PRIMA1: variants seen among roughly 807,000 people sequenced by gnomAD.
PRIMA1 encodes the protein proline-rich membrane anchor 1.
Under a neutral mutation model 17.5 loss-of-function variants are expected in PRIMA1, and 7 were observed. The ratio of observed to expected loss-of-function variants is 0.40; its 90% CI spans 0.23 to 0.75. The LOEUF (loss-of-function observed/expected upper bound fraction) is 0.75. Among genes scored for constraint, PRIMA1 ranks in the 30% least tolerant of loss-of-function variants. The probability of loss-of-function intolerance (pLI) is 0.37; values close to 1 mark genes in which losing one functional copy is unlikely to be tolerated. For synonymous variants in PRIMA1, 97 were observed against 77.9 expected (o/e 1.25, Z -1.29); for missense variants, 200 against 201.8 (o/e 0.99, Z 0.05).
intron 3 of PRIMA1, among the ~76,000 whole-genome samples, chr14:93,752,664 A>C (rs1253316006): frequency 6.6e-6 from 1 of 151,972 alleles, no homozygotes; most frequent in Non-Finnish European, 1.5e-5. Context: ...GGCTTGTCCA[A>C]GGATAGGGCA....
chr14:93,738,163 C>T (rs2076163282), intron 3 of PRIMA1, among the ~76,000 whole-genome samples: 1 of 152,180 alleles, frequency 6.6e-6, no homozygotes, highest in Admixed American at 6.5e-5. Flanking sequence ...GACACTGGTG[C>T]TCCAGGGCCC....
At chr14:93,744,497 C>T (rs934361708) in intron 3 of PRIMA1, among the ~76,000 whole-genome samples, 4 of 152,212 alleles carry the variant, frequency 2.6e-5, no homozygotes, top group African/African-American at 4.8e-5. Context: ...CTCCTCACCC[C>T]GAAGGCAACC....
intron 3 of PRIMA1, among the ~76,000 whole-genome samples, chr14:93,765,312 T>C (rs1030728266): frequency 6.6e-6 from 1 of 151,702 alleles, no homozygotes; most frequent in Admixed American, 6.6e-5. Context: ...CAGCATGCAC[T>C]TTCCATGTGT....
intron 3 of PRIMA1, among the ~76,000 whole-genome samples, chr14:93,748,564 C>T (rs569369945): frequency 1.1e-4 from 17 of 152,232 alleles, no homozygotes; most frequent in African/African-American, 3.9e-4. Context: ...ACACAGGCAG[C>T]GGCACCGGGA....
chr14:93,719,087 T>C lies in PRIMA1; in HGVS notation c.*2357A>G, dbSNP rs1441565263. 1 of 152,084 alleles carries C rather than the reference T, an allele frequency of 6.6e-6. No homozygotes were observed. The highest frequency in any genetic ancestry group is 1.5e-5 in the Non-Finnish European group (1 of 68,012). 9.4% of individuals were successfully genotyped at this position (152,084 alleles called of 1,614,324 possible). On this transcript the variant is annotated 3_prime_UTR_variant, in exon 5 of 5. Transcript: ENST00000393140. ...AGGTGGGGGGTGGATATTAAGTGAA[T>C]CTTTTAAAAAAACTAGGCTCTTCCC... is the stretch of plus-strand genomic sequence containing the variant.
chr14:93,775,516 G>T (rs1369275191), intron 3 of PRIMA1, among the ~76,000 whole-genome samples: 2 of 152,110 alleles, frequency 1.3e-5, no homozygotes, highest in Non-Finnish European at 2.9e-5. Flanking sequence ...TGTTGTTTTT[G>T]AGGCAGAGTT....
At chr14:93,748,063 T>C (rs1356402675) in intron 3 of PRIMA1, among the ~76,000 whole-genome samples, 1 of 151,160 alleles carries the variant, frequency 6.6e-6, no homozygotes, top group Non-Finnish European at 1.5e-5. Flanking sequence ...TGTATGTGAG[T>C]GTGAATGTGT....
intron 2 of PRIMA1, among the ~76,000 whole-genome samples, chr14:93,783,382 C>T (rs1221046775): frequency 1.3e-5 from 2 of 152,206 alleles, no homozygotes; most frequent in East Asian, 3.9e-4. Flanking sequence ...ACAATGCCCA[C>T]CAGTGGGGAA....
At chr14:93,787,889 A>T in intron 1 of PRIMA1, 140 bp from the exon 2 acceptor site, 1 of 875,244 alleles carries the variant, frequency 1.1e-6, no homozygotes, top group Non-Finnish European at 1.7e-6. Context: ...CTGCACTTAC[A>T]CTCCAGCTTA....
At chr14:93,725,534 G>A (rs536911198) in intron 4 of PRIMA1, among the ~76,000 whole-genome samples, 1 of 152,266 alleles carries the variant, frequency 6.6e-6, no homozygotes, top group South Asian at 2.1e-4. Flanking sequence ...CAGATGTCAA[G>A]GCTCAGTAAA....
intron 4 of PRIMA1, among the ~76,000 whole-genome samples, chr14:93,735,633 A>C (rs2076144839): frequency 6.6e-6 from 1 of 151,636 alleles, no homozygotes. Context: ...AACACGTGGG[A>C]ATTGGATTAG....
chr14:93,752,984 C>T (rs1269975381), intron 3 of PRIMA1, among the ~76,000 whole-genome samples: 1 of 152,220 alleles, frequency 6.6e-6, no homozygotes. Context: ...TCCCTGGCCT[C>T]TACCCACTAC....
At position 93,720,134 on chromosome 14, in the gene PRIMA1, A is replaced by T. The variant is rs184352606; in HGVS notation, c.*1310T>A. ...TGCATTGGGCTCCTTCTGAGCACAT[A>T]TGTAGGGGTGGTGGGGAGAGCCAGG... On this transcript the variant is annotated 3_prime_UTR_variant, in exon 5 of 5. Transcript: ENST00000393140. 246 of 152,364 alleles carry T rather than the reference A, an allele frequency of 1.6e-3. 3 individuals are homozygous for T. Among genetic ancestry groups the T allele is most frequent in the Non-Finnish European group, 5.0e-4 (34 of 68,056 alleles). The allele number at this position is 152,364 out of a possible 1,614,324, so 9.4% of individuals were successfully genotyped here.
chr14:93,784,756 T>A (rs1041778473), intron 2 of PRIMA1, among the ~76,000 whole-genome samples: 1 of 152,192 alleles, frequency 6.6e-6, no homozygotes, highest in Non-Finnish European at 1.5e-5. Flanking sequence ...GAGGCTTCTA[T>A]GACTCTTGCC....
At chr14:93,759,913 G>A (rs1193196980) in intron 3 of PRIMA1, among the ~76,000 whole-genome samples, 2 of 152,248 alleles carry the variant, frequency 1.3e-5, no homozygotes, top group African/African-American at 4.8e-5. Flanking sequence ...TTCCCAGACA[G>A]GCTGGCCTGA....
chr14:93,766,183 C>T (rs1055194217), intron 3 of PRIMA1, among the ~76,000 whole-genome samples: 12 of 152,148 alleles, frequency 7.9e-5, no homozygotes. Context: ...AAACCAATGC[C>T]TCCTCATGGT....
At chr14:93,747,091 G>T (rs1462119085) in intron 3 of PRIMA1, among the ~76,000 whole-genome samples, 3 of 152,168 alleles carry the variant, frequency 2.0e-5, no homozygotes, top group Non-Finnish European at 4.4e-5. Flanking sequence ...GGAGGGGGTT[G>T]TCAAGTGGGA....
intron 3 of PRIMA1, among the ~76,000 whole-genome samples, chr14:93,748,348 C>A (rs1481089692): frequency 2.0e-5 from 3 of 152,132 alleles, no homozygotes; most frequent in Non-Finnish European, 4.4e-5. Context: ...GCTGCATAGA[C>A]ACAAAGCAGG....
chr14:93,722,693 T>C (rs1421993512), intron 4 of PRIMA1, among the ~76,000 whole-genome samples: 1 of 149,778 alleles, frequency 6.7e-6, no homozygotes, highest in Non-Finnish European at 1.5e-5. Context: ...ATGATGGTAA[T>C]GATGATGATA....
Sources: gnomAD v4.1 joint callset for allele counts (sites outside exome capture counted in the v4.1 genomes callset) on GRCh38, gnomAD v4.1.1 for gene constraint, MANE v1.5 for transcripts, NCBI Gene and HGNC (gene_info 2026-07-23, HGNC 2026-07-21) for gene names.